Variants in GRM5 observed in about 807,000 individuals in gnomAD.
GRM5 encodes the protein metabotropic glutamate receptor 5.
In GRM5, 19 loss-of-function variants were observed where a neutral mutation model predicts 83.1. The observed-to-expected ratio is 0.23, with a 90% CI of 0.16 to 0.34. GRM5 has a LOEUF of 0.34. Among genes scored for constraint, GRM5 ranks in the 10% least tolerant of loss-of-function variants. The pLI is 1.00. For synonymous variants in GRM5, 675 were observed against 633.6 expected (o/e 1.07, Z -0.98); for missense variants, 1,160 against 1,588.3 (o/e 0.73, Z 4.58).
intron 2 of GRM5, among the ~76,000 whole-genome samples, chr11:89,038,749 A>C (rs567983396): frequency 1.3e-5 from 2 of 152,206 alleles, no homozygotes; most frequent in Non-Finnish European, 2.9e-5. Context: ...GGAAGGAAAA[A>C]GAACCAGGTG....
chr11:89,052,943 G>A (rs10830203), intron 1 of GRM5, among the ~76,000 whole-genome samples: 18,254 of 151,998 alleles, frequency 0.12, 2,745 homozygotes, highest in African/African-American at 0.35. Flanking sequence ...TGATCACTTA[G>A]AAAATAATGG....
rs761969747 is a variant in GRM5, at chr11:89,047,170, G to A, written c.661+42C>T. 1 of 1,415,024 alleles carries A rather than the reference G, an allele frequency of 7.1e-7. No homozygotes were observed. The highest frequency in any genetic ancestry group is 2.0e-5 in the Admixed American group (1 of 49,602). 87.7% of individuals were successfully genotyped at this position (1,415,024 alleles called of 1,614,324 possible). On this transcript the variant is annotated intron_variant, in intron 2 of 9. Coordinates refer to ENST00000305447, the MANE Select transcript of GRM5 (RefSeq NM_001143831.3). This position sits in a 1 kb window ranked among gnomAD's most constrained non-coding sequence, Gnocchi z 5.1. Reference sequence around the variant, plus strand: ...CCAAACCTGAAATTGTAACTGTTGAGTGCATAATAATATATACTCGATGTA... The same window carrying A: ...CCAAACCTGAAATTGTAACTGTTGAATGCATAATAATATATACTCGATGTA...
intron 3 of GRM5, among the ~76,000 whole-genome samples, chr11:88,784,011 C>T (rs991081343): frequency 7.2e-5 from 11 of 151,870 alleles, no homozygotes; most frequent in African/African-American, 2.7e-4. Flanking sequence ...TTATAGGAGC[C>T]GATTACATTA....
intron 2 of GRM5, among the ~76,000 whole-genome samples, chr11:88,926,625 C>A (rs2135638944): frequency 1.3e-5 from 2 of 152,288 alleles, no homozygotes; most frequent in Non-Finnish European, 2.9e-5. Context: ...ACCTGTATCT[C>A]TACAAATCTA....
chr11:88,655,371 C>T (rs905084977), intron 3 of GRM5, among the ~76,000 whole-genome samples: 4 of 151,964 alleles, frequency 2.6e-5, no homozygotes, highest in Admixed American at 6.6e-5. Flanking sequence ...GGGCGTGTTG[C>T]AAATGGGACA....
At chr11:88,516,323 C>T (rs2135088639) in intron 9 of GRM5, among the ~76,000 whole-genome samples, 1 of 152,180 alleles carries the variant, frequency 6.6e-6, no homozygotes, top group Non-Finnish European at 1.5e-5. Context: ...AGAGTCATTC[C>T]CATTGTCTGT....
At chr11:88,981,669 T>C (rs911348697) in intron 2 of GRM5, among the ~76,000 whole-genome samples, 2 of 152,174 alleles carry the variant, frequency 1.3e-5, no homozygotes, top group African/African-American at 2.4e-5. Flanking sequence ...TTTCAGATTA[T>C]AAAATTGAAA....
At chr11:88,893,067 G>A (rs1565280512) in intron 2 of GRM5, among the ~76,000 whole-genome samples, 1 of 150,668 alleles carries the variant, frequency 6.6e-6, no homozygotes. Flanking sequence ...CTTCTAACTG[G>A]AATATCAGAC....
chr11:88,642,525 G>C (rs767467241), intron 4 of GRM5, among the ~76,000 whole-genome samples: 4 of 152,122 alleles, frequency 2.6e-5, no homozygotes, highest in Admixed American at 6.6e-5. Context: ...ACACAGTCAG[G>C]CTGTAAATTT....
chr11:88,928,989 T>C (rs1937624612), intron 2 of GRM5, among the ~76,000 whole-genome samples: 1 of 151,524 alleles, frequency 6.6e-6, no homozygotes, highest in South Asian at 2.1e-4. Context: ...GAATATGAGA[T>C]TTAGTTTTAG....
At chr11:88,764,338 A>G (rs1037468002) in intron 3 of GRM5, among the ~76,000 whole-genome samples, 2 of 151,830 alleles carry the variant, frequency 1.3e-5, no homozygotes, top group Non-Finnish European at 3.0e-5. Context: ...AGACAACACA[A>G]TAAACCAACT....
chr11:88,590,524 TG>T (rs977366562), intron 7 of GRM5, 76 bp downstream of exon 7: 6 of 1,160,750 alleles, frequency 5.2e-6, no homozygotes, highest in Non-Finnish European at 6.4e-6. Context: ...GAGTAACGCT[TG>T]GGGATGTGAC....
chr11:88,924,224 C>A (rs544135122), intron 2 of GRM5, among the ~76,000 whole-genome samples: 5 of 142,244 alleles, frequency 3.5e-5, no homozygotes, highest in South Asian at 2.3e-4. Context: ...TAAATTGGTA[C>A]AACCATTTTG....
intron 3 of GRM5, among the ~76,000 whole-genome samples, chr11:88,773,354 C>T (rs1942780106): frequency 6.6e-6 from 1 of 152,062 alleles, no homozygotes; most frequent in African/African-American, 2.4e-5. Context: ...GATATTAGCC[C>T]TTCGTCAGGT....
At chr11:88,701,571 C>A (rs1280809733) in intron 3 of GRM5, among the ~76,000 whole-genome samples, 1 of 152,068 alleles carries the variant, frequency 6.6e-6, no homozygotes, top group Non-Finnish European at 1.5e-5. Flanking sequence ...AGAAACCAAC[C>A]AGAATCTTTG....
At chr11:88,694,357 T>C (rs1280715947) in intron 3 of GRM5, among the ~76,000 whole-genome samples, 1 of 152,114 alleles carries the variant, frequency 6.6e-6, no homozygotes, top group Non-Finnish European at 1.5e-5. Context: ...GAGAGTGGTA[T>C]GGATTGTGGG....
chr11:88,977,244 G>T (rs1186205999), intron 2 of GRM5, among the ~76,000 whole-genome samples: 1 of 150,556 alleles, frequency 6.6e-6, no homozygotes, highest in South Asian at 2.1e-4. Flanking sequence ...ATGGAGTCTC[G>T]CTCTGTCACC....
intron 3 of GRM5, among the ~76,000 whole-genome samples, chr11:88,719,239 C>A (rs150966676): frequency 5.7e-4 from 86 of 152,078 alleles, no homozygotes; most frequent in Non-Finnish European, 8.2e-4. Flanking sequence ...CTCTGAAACA[C>A]CCAGTGTATG....
intron 2 of GRM5, among the ~76,000 whole-genome samples, chr11:88,900,777 T>C (rs999783007): frequency 6.6e-6 from 1 of 152,158 alleles, no homozygotes; most frequent in Non-Finnish European, 1.5e-5. Context: ...TTCCAGTAGA[T>C]AAAATAATAA....
Sources: gnomAD v4.1 joint callset for allele counts (sites outside exome capture counted in the v4.1 genomes callset) on GRCh38, gnomAD v4.1.1 for gene constraint, Gnocchi (gnomAD v3.1) non-coding constraint, MANE v1.5 for transcripts, NCBI Gene and HGNC (gene_info 2026-07-23, HGNC 2026-07-21) for gene names.